The following NAALADL2 variants were observed in gnomAD, a reference collection of about 807,000 sequenced individuals.
NAALADL2 encodes the protein inactive N-acetylated-alpha-linked acidic dipeptidase-like protein 2.
In NAALADL2, 76 loss-of-function variants were observed where a neutral mutation model predicts 87.2. The observed-to-expected ratio is 0.87, with a 90% CI of 0.72 to 1.05. The LOEUF (loss-of-function observed/expected upper bound fraction) is 1.05. Among genes scored for constraint, NAALADL2 ranks in the 50% least tolerant of loss-of-function variants. The pLI, the probability that NAALADL2 is intolerant of heterozygous loss-of-function variation, is 0.00. For missense variants in NAALADL2, 1,089 were observed against 945.8 expected (o/e 1.15, Z -1.99); for synonymous variants, 354 against 331.0 (o/e 1.07, Z -0.75).
intron 1 of NAALADL2, among the ~76,000 whole-genome samples, chr3:174,524,947 T>C (rs113660559): frequency 3.7e-4 from 56 of 152,312 alleles, no homozygotes; most frequent in African/African-American, 1.2e-3. Flanking sequence ...TATGTTTAGA[T>C]GTACAAACAC....
intron 2 of NAALADL2, among the ~76,000 whole-genome samples, chr3:175,106,155 T>C (rs1459570000): frequency 1.3e-5 from 2 of 152,120 alleles, no homozygotes; most frequent in Non-Finnish European, 2.9e-5. Flanking sequence ...ATTAGGTTAG[T>C]TACTTTCCTA....
At chr3:175,009,084 C>T (rs987666734) in intron 1 of NAALADL2, among the ~76,000 whole-genome samples, 1 of 152,084 alleles carries the variant, frequency 6.6e-6, no homozygotes, top group Non-Finnish European at 1.5e-5. Context: ...TAAACTTTGG[C>T]TGTTTCAGAA....
At chr3:175,502,483 T>C (rs1729693234) in intron 9 of NAALADL2, among the ~76,000 whole-genome samples, 1 of 152,148 alleles carries the variant, frequency 6.6e-6, no homozygotes, top group Non-Finnish European at 1.5e-5. Flanking sequence ...GCTTTGAGAA[T>C]TGAACTGAAA....
intron 1 of NAALADL2, among the ~76,000 whole-genome samples, chr3:175,085,636 A>G (rs1203579955): frequency 2.6e-5 from 4 of 152,164 alleles, no homozygotes; most frequent in Non-Finnish European, 4.4e-5. Flanking sequence ...TAAGATATAG[A>G]TATTTTTGCC....
At chr3:174,907,261 G>C (rs999676117) in intron 1 of NAALADL2, among the ~76,000 whole-genome samples, 1 of 151,726 alleles carries the variant, frequency 6.6e-6, no homozygotes, top group Non-Finnish European at 1.5e-5. Context: ...AGTAATCTTA[G>C]ATCTAAAAAA....
At chr3:174,486,814 A>G (rs1381858418) in intron 1 of NAALADL2, among the ~76,000 whole-genome samples, 1 of 151,994 alleles carries the variant, frequency 6.6e-6, no homozygotes, top group Non-Finnish European at 1.5e-5. Context: ...TGTGGTGGAC[A>G]TTAGATGTTC....
Position 175,405,753 on chromosome 3 carries a change from ATTGT to A in NAALADL2, c.1091-41471_1091-41468del, listed in dbSNP as rs772251005. Among the ~76,000 whole-genome samples, 20 of 152,236 alleles carry A rather than the reference ATTGT, an allele frequency of 1.3e-4. 1 individual carries two copies. The highest frequency in any genetic ancestry group is 3.4e-4 in the African/African-American group (14 of 41,548). On this transcript the variant is annotated intron_variant, in intron 5 of 13. Transcript: ENST00000454872. ...TCCTGGCTGTCAGGCCTTGTGTTACATTGTTTGTGTGCATTGTCTCATTTAATCT... is the reference window on the plus strand; with the variant it reads ...TCCTGGCTGTCAGGCCTTGTGTTACATTGTGTGCATTGTCTCATTTAATCT...
rs762446550 is a variant in NAALADL2, at chr3:175,244,491, G to A, written c.819+10287G>A. Among the ~76,000 whole-genome samples the A allele has an allele frequency of 3.3e-5, 5 of 151,874 alleles. No individual in the cohort carries two copies. In the East Asian group the frequency reaches 7.7e-4, roughly 24 times the overall value. ...GAGCAACCAACCGAGATACTGTCAC[G>A]TTGTTGAGCTGTACGTTAGCTCAGA... On this transcript the variant is annotated intron_variant, in intron 3 of 13. Coordinates refer to ENST00000454872, the MANE Select transcript of NAALADL2 (RefSeq NM_207015.3).
At chr3:174,677,636 C>T (rs1167947149) in intron 2 of NAALADL2, among the ~76,000 whole-genome samples, 2 of 152,056 alleles carry the variant, frequency 1.3e-5, no homozygotes, top group Non-Finnish European at 2.9e-5. Context: ...TTTTATATAT[C>T]AGTCAATCCA....
intron 5 of NAALADL2, among the ~76,000 whole-genome samples, chr3:175,376,447 C>CTA (rs1176784535): frequency 1.3e-5 from 2 of 151,908 alleles, no homozygotes; most frequent in Non-Finnish European, 2.9e-5. Flanking sequence ...TGATGTTGTT[C>CTA]TATAGACTTG....
chr3:175,703,605 C>T (rs1283996698), intron 11 of NAALADL2, among the ~76,000 whole-genome samples: 3 of 151,764 alleles, frequency 2.0e-5, no homozygotes, highest in African/African-American at 4.8e-5. Context: ...TAGTCAGGAG[C>T]GGTGGCAGGC....
chr3:174,894,734 A>G (rs1731298528), intron 1 of NAALADL2, among the ~76,000 whole-genome samples: 1 of 151,788 alleles, frequency 6.6e-6, no homozygotes, highest in Admixed American at 6.6e-5. Flanking sequence ...ACTGCAGAAT[A>G]CACACTCTTT....
At chr3:174,874,239 T>C (rs541548133) in intron 1 of NAALADL2, among the ~76,000 whole-genome samples, 5 of 152,296 alleles carry the variant, frequency 3.3e-5, no homozygotes, top group Admixed American at 1.3e-4. Flanking sequence ...ATAGAAGTTA[T>C]CTACATTTTC....
chr3:174,896,529 A>C (rs2109829256), intron 1 of NAALADL2, among the ~76,000 whole-genome samples: 1 of 152,302 alleles, frequency 6.6e-6, no homozygotes, highest in African/African-American at 2.4e-5. Flanking sequence ...GACACCACAA[A>C]ATGGAAAAGT....
intron 1 of NAALADL2, among the ~76,000 whole-genome samples, chr3:174,511,027 A>G (rs903721386): frequency 1.3e-5 from 2 of 151,974 alleles, no homozygotes; most frequent in Non-Finnish European, 2.9e-5. Context: ...CTGATTTATA[A>G]TTTAATTCTG....
intron 1 of NAALADL2, among the ~76,000 whole-genome samples, chr3:174,516,341 T>C (rs919991196): frequency 2.6e-5 from 4 of 152,098 alleles, no homozygotes; most frequent in African/African-American, 7.2e-5. Context: ...TGAAAGGAAA[T>C]ACTATCTACT....
chr3:174,643,716 T>C (rs73044532), intron 2 of NAALADL2, among the ~76,000 whole-genome samples: 7,770 of 152,220 alleles, frequency 0.051, 709 homozygotes, highest in African/African-American at 0.18. Flanking sequence ...AAATACCATT[T>C]TGAGCATGCA....
rs187922151 is a variant in NAALADL2, at chr3:175,047,696, T to C, written c.44-49094T>C. On this transcript the variant is annotated intron_variant, in intron 1 of 13. Transcript: ENST00000454872. ...TAGACTCATCAGATTAATTTTTCCT[T>C]TAGTATTTTGATAAACTGAGACTAG... Among the ~76,000 whole-genome samples the C allele has an allele frequency of 3.6e-4, 55 of 152,314 alleles. 1 individual carries two copies. Among genetic ancestry groups the C allele is most frequent in the Middle Eastern group, 3.4e-3 (1 of 294 alleles).
At chr3:175,302,821 G>A (rs577261806) in intron 4 of NAALADL2, among the ~76,000 whole-genome samples, 107 of 143,958 alleles carry the variant, frequency 7.4e-4, no homozygotes, top group Middle Eastern at 3.5e-3. Context: ...TTGACCTGTC[G>A]AAACGTGTGT....
Sources: gnomAD v4.1 joint callset for allele counts (sites outside exome capture counted in the v4.1 genomes callset) on GRCh38, gnomAD v4.1.1 for gene constraint, MANE v1.5 for transcripts, NCBI Gene and HGNC (gene_info 2026-07-23, HGNC 2026-07-21) for gene names.